The following NCALD variants were observed in gnomAD, a reference collection of about 807,000 sequenced individuals.
The protein encoded by NCALD is neurocalcin delta.
NCALD carries 10 observed loss-of-function variants against 18.6 expected under a neutral mutation model. That is an observed-to-expected ratio of 0.54 (90% CI 0.33 to 0.91). The LOEUF (loss-of-function observed/expected upper bound fraction) is 0.91, where lower values mean the gene tolerates loss of function less well. Ranked by LOEUF, NCALD falls within the 40% of genes least tolerant of loss-of-function variation. NCALD has a pLI of 0.03. For synonymous variants in NCALD, 88 were observed against 87.4 expected, an observed-to-expected ratio of 1.01 and a Z score of -0.04; for missense variants, 184 against 247.6, an observed-to-expected ratio of 0.74 and a Z score of 1.72.
chr8:101,716,480 G>A (rs1268784863), intron 2 of NCALD, among the ~76,000 whole-genome samples: 1 of 151,856 alleles, frequency 6.6e-6, no homozygotes, highest in South Asian at 2.1e-4. Context: ...TTTTAAAAAA[G>A]AAAAAATTAT....
chr8:101,791,243 T>C (rs974520069), upstream of NCALD, among the ~76,000 whole-genome samples: 1 of 152,194 alleles, frequency 6.6e-6, no homozygotes, highest in African/African-American at 2.4e-5. Context: ...TCTTTAAGGC[T>C]TTGGTGTCTT....
At chr8:101,944,807 G>T (rs1045544440) in intron 2 of NCALD, among the ~76,000 whole-genome samples, 2 of 152,182 alleles carry the variant, frequency 1.3e-5, no homozygotes, top group African/African-American at 4.8e-5. Context: ...AGCATTTCCT[G>T]TCAGGCCCAA....
intron 1 of NCALD, among the ~76,000 whole-genome samples, chr8:102,065,061 C>T (rs1421784668): frequency 2.8e-5 from 4 of 143,756 alleles, no homozygotes; most frequent in Admixed American, 6.9e-5. Flanking sequence ...ATGGACTCTA[C>T]AGCACAGGAG....
intron 1 of NCALD, among the ~76,000 whole-genome samples, chr8:102,095,801 T>G (rs1825075329): frequency 6.6e-6 from 1 of 152,262 alleles, no homozygotes; most frequent in Admixed American, 6.5e-5. Context: ...AGTTTCTAAA[T>G]GTATGTGTAT....
At chr8:101,902,507 A>G (rs1817469649) in intron 3 of NCALD, among the ~76,000 whole-genome samples, 1 of 152,192 alleles carries the variant, frequency 6.6e-6, no homozygotes, top group African/African-American at 2.4e-5. Flanking sequence ...CTGTTAGAAC[A>G]TGCCCTAGAG....
chr8:101,836,457 G>A (rs560260188), intron 4 of NCALD, among the ~76,000 whole-genome samples: 1 of 152,336 alleles, frequency 6.6e-6, no homozygotes, highest in African/African-American at 2.4e-5. Context: ...ATGACCCAGA[G>A]TTGCAGTTTT....
chr8:101,942,053 C>T (rs1457905166), intron 2 of NCALD, among the ~76,000 whole-genome samples: 1 of 152,084 alleles, frequency 6.6e-6, no homozygotes, highest in East Asian at 1.9e-4. Flanking sequence ...ACTTTGAAAC[C>T]AAGCAAACAC....
At chr8:101,930,345 C>T (rs1462999444) in intron 2 of NCALD, among the ~76,000 whole-genome samples, 2 of 152,098 alleles carry the variant, frequency 1.3e-5, no homozygotes, top group African/African-American at 2.4e-5. Context: ...TACTCCAACG[C>T]CATCTCCCTG....
chr8:101,798,072 T>C (rs1187098157), intron 4 of NCALD, among the ~76,000 whole-genome samples: 1 of 152,036 alleles, frequency 6.6e-6, no homozygotes, highest in East Asian at 1.9e-4. Context: ...ATAGTGAGAG[T>C]AAATATTTTC....
At chr8:101,801,340 A>T (rs568890316) in intron 4 of NCALD, among the ~76,000 whole-genome samples, 1 of 152,302 alleles carries the variant, frequency 6.6e-6, no homozygotes, top group African/African-American at 2.4e-5. Flanking sequence ...TTACAAAATT[A>T]ACCAATTTGA....
Position 101,688,529 on chromosome 8 carries a change from G to A in NCALD, c.*780C>T. 5.4e-6 allele frequency: 2 copies of A among 370,286 alleles called. No individual in the cohort carries two copies. Among genetic ancestry groups the A allele is most frequent in the South Asian group, 4.1e-5 (2 of 48,594 alleles). The allele number at this position is 370,286 out of a possible 1,614,324, so 22.9% of individuals were successfully genotyped here. ...CTAAACATGCATTTCATTTAAACAAGGCAAAACACTTAATTTGGTCTGCAT... is the reference window on the plus strand; with the variant it reads ...CTAAACATGCATTTCATTTAAACAAAGCAAAACACTTAATTTGGTCTGCAT... On this transcript the variant is annotated 3_prime_UTR_variant, in exon 4 of 4. Coordinates refer to ENST00000220931, the MANE Select transcript of NCALD (RefSeq NM_032041.3).
chr8:101,968,448 G>A (rs1188033444), intron 2 of NCALD, among the ~76,000 whole-genome samples: 1 of 152,054 alleles, frequency 6.6e-6, no homozygotes, highest in Non-Finnish European at 1.5e-5. Context: ...AATCATCTAG[G>A]ACTAAGCCGT....
At chr8:101,783,505 C>T (rs960257258) in intron 1 of NCALD, among the ~76,000 whole-genome samples, 9 of 152,206 alleles carry the variant, frequency 5.9e-5, no homozygotes, top group African/African-American at 2.2e-4. Flanking sequence ...GAGCAGAAAA[C>T]ATTGCCCTAG....
At chr8:101,962,456 C>T (rs1456906813) in intron 2 of NCALD, among the ~76,000 whole-genome samples, 4 of 152,218 alleles carry the variant, frequency 2.6e-5, no homozygotes, top group African/African-American at 2.4e-5. Flanking sequence ...CACCTAGCTT[C>T]AGTCAAATTA....
At chr8:102,075,856 G>A (rs1445401572) in intron 1 of NCALD, among the ~76,000 whole-genome samples, 2 of 151,996 alleles carry the variant, frequency 1.3e-5, no homozygotes, top group African/African-American at 4.8e-5. Context: ...AGGAGGCTGA[G>A]GCAGAGAATT....
At chr8:101,977,138 C>A (rs930399345) in intron 2 of NCALD, among the ~76,000 whole-genome samples, 1 of 151,326 alleles carries the variant, frequency 6.6e-6, no homozygotes, top group African/African-American at 2.4e-5. Context: ...TCCTTTCCAT[C>A]TTTTCATTAC....
At chr8:101,717,043 T>C (rs1222591748) in intron 2 of NCALD, among the ~76,000 whole-genome samples, 1 of 152,236 alleles carries the variant, frequency 6.6e-6, no homozygotes, top group East Asian at 1.9e-4. Context: ...TTCAGACTTC[T>C]GACCTCAAGA....
chr8:101,757,899 T>C (rs189094300), intron 1 of NCALD, among the ~76,000 whole-genome samples: 7 of 152,136 alleles, frequency 4.6e-5, no homozygotes, highest in African/African-American at 1.7e-4. Flanking sequence ...ACAATTTTTT[T>C]AGAGCCTCCC....
chr8:101,853,822 C>T (rs56196307), intron 4 of NCALD, among the ~76,000 whole-genome samples: 4,265 of 152,220 alleles, frequency 0.028, 209 homozygotes, highest in African/African-American at 0.095. Flanking sequence ...TAAACCTCCC[C>T]AGGGGACCCT....
Sources: allele counts gnomAD v4.1 joint callset (sites outside exome capture counted in the v4.1 genomes callset), GRCh38; gene constraint gnomAD v4.1.1; transcripts MANE v1.5; gene names NCBI Gene and HGNC (gene_info 2026-07-23, HGNC 2026-07-21).